Variants in DIP2A observed in about 807,000 individuals in gnomAD.
DIP2A encodes disco-interacting protein 2 homolog A.
A neutral mutation model predicts 177.4 loss-of-function variants in DIP2A; 85 were observed. That is an observed-to-expected ratio of 0.48 (90% CI 0.40 to 0.57). The LOEUF is 0.57. DIP2A is among the 20% of genes least tolerant of loss of function. The pLI is 0.00. For missense variants in DIP2A, 1,791 were observed against 2,100.2 expected (o/e 0.85, Z 2.88); for synonymous variants, 886 against 881.8 (o/e 1.00, Z -0.08).
intron 17 of DIP2A, 124 bp downstream of exon 17, chr21:46,540,115 T>C: frequency 1.3e-6 from 1 of 750,678 alleles, no homozygotes; most frequent in Non-Finnish European, 2.2e-6. Flanking sequence ...AGTACCTTGG[T>C]GCCTGGCCCC....
intron 1 of DIP2A, among the ~76,000 whole-genome samples, chr21:46,475,888 A>G (rs2055797670): frequency 6.6e-6 from 1 of 152,204 alleles, no homozygotes; most frequent in Non-Finnish European, 1.5e-5. Context: ...TATGTAAATC[A>G]TCTTTATAAA....
rs945000114 is a variant in DIP2A at position 46,546,980 on chromosome 21, T to C, written c.2460T>C (p.Asn820=). 1.9e-6 allele frequency: 3 copies of C among 1,613,934 alleles called. No homozygotes were observed. Among genetic ancestry groups the C allele is most frequent in the African/African-American group, 2.7e-5 (2 of 75,026 alleles). The part of the protein sequence containing the change: ...GLMVTGVRRH[N]ADDVVATALA... Reference sequence around the variant, plus strand: ...TGGTCACTGGAGTTCGCAGACACAATGCAGATGACGTTGTGGCCACCGCAC... The same window carrying C: ...TGGTCACTGGAGTTCGCAGACACAACGCAGATGACGTTGTGGCCACCGCAC... The change falls in exon 21 of 38, where the codon AAT becomes AAC. Residue 820 remains asparagine, a synonymous_variant. Coordinates refer to ENST00000417564, the MANE Select transcript of DIP2A (RefSeq NM_015151.4).
Position 46,554,611 on chromosome 21 carries a change from A to C in DIP2A, c.3191A>C (p.Tyr1064Ser). 6.2e-7 allele frequency: 1 copy of C among 1,610,306 alleles called. No individual in the cohort carries two copies. The highest frequency in any genetic ancestry group is 1.1e-5 in the South Asian group (1 of 90,302). Residue 1064 changes from tyrosine (Y) to serine (S), a missense_variant, in exon 27 of 38, where the codon TAC (tyrosine) becomes TCC (serine). Coordinates refer to ENST00000417564, the MANE Select transcript of DIP2A (RefSeq NM_015151.4). Reference sequence around the variant, plus strand: ...ATTGCCGCGTTCTATGGCTGCTTGTACTGTGGCTGCGTGCCTGTCACCGTG... The same window carrying C: ...ATTGCCGCGTTCTATGGCTGCTTGTCCTGTGGCTGCGTGCCTGTCACCGTG... ...DLIAAFYGCLYCGCVPVTVRP... is the reference protein window; with the variant it reads ...DLIAAFYGCLSCGCVPVTVRP...
At chr21:46,554,749 T>C in intron 27 of DIP2A, 53 bp downstream of exon 27, 4 of 1,545,814 alleles carry the variant, frequency 2.6e-6, no homozygotes, top group Non-Finnish European at 3.5e-6. Flanking sequence ...GCTGCAAGGC[T>C]GCCCTCCGCT....
chr21:46,474,350 A>G (rs947753232), intron 1 of DIP2A, among the ~76,000 whole-genome samples: 1 of 152,202 alleles, frequency 6.6e-6, no homozygotes, highest in African/African-American at 2.4e-5. Flanking sequence ...TCATCAGCAC[A>G]TAGATAGTAA....
chr21:46,534,861 G>A (rs982490174), intron 13 of DIP2A, among the ~76,000 whole-genome samples, 174 bp downstream of exon 13: 15 of 152,182 alleles, frequency 9.9e-5, no homozygotes, highest in African/African-American at 1.4e-4. Context: ...TGCTTACAGG[G>A]TCTCTGTGGT....
At position 46,538,621 on chromosome 21, in the gene DIP2A, C is replaced by T. The variant is rs914020312; in HGVS notation, c.1921+19C>T. 4 of 1,545,632 alleles carry T rather than the reference C, an allele frequency of 2.6e-6. No individual in the cohort carries two copies. Among genetic ancestry groups the T allele is most frequent in the Admixed American group, 2.0e-5 (1 of 50,994 alleles). ...AACCCGTGTGAGTGAGCCTGTGTGC[C>T]CGGCGCATACCCCACACAGTGTCCC... On this transcript the variant is annotated intron_variant, in intron 16 of 37. Coordinates refer to ENST00000417564, the MANE Select transcript of DIP2A (RefSeq NM_015151.4).
rs773209334 is a variant in DIP2A, at chr21:46,551,855, G to A, written c.2981G>A (p.Arg994His). 7.4e-6 allele frequency: 12 copies of A among 1,611,850 alleles called. No homozygotes were observed. Among genetic ancestry groups the A allele is most frequent in the East Asian group, 2.2e-5 (1 of 44,830 alleles). Residue 994 changes from arginine to histidine, a missense_variant, in exon 25 of 38, where the codon CGT (arginine) becomes CAT (histidine). Physicochemically the swap from Arg to His is conservative, Grantham distance 29. Coordinates refer to ENST00000417564, the MANE Select transcript of DIP2A (RefSeq NM_015151.4). ...FLFLADVLQW[R>H]AHTTPDHPLF... ...TTCCTGGCTGACGTGCTGCAGTGGC[G>A]TGCCCACACCACTCCTGACCACCCG...
At chr21:46,548,358 C>T (rs910243935) in intron 21 of DIP2A, among the ~76,000 whole-genome samples, 2 of 152,110 alleles carry the variant, frequency 1.3e-5, no homozygotes, top group African/African-American at 4.8e-5. Context: ...GGGAGACCAC[C>T]CCCTCGCAGG....
At chr21:46,520,134 C>T (rs1569025692) in intron 8 of DIP2A, among the ~76,000 whole-genome samples, 1 of 151,972 alleles carries the variant, frequency 6.6e-6, no homozygotes, top group African/African-American at 2.4e-5. Flanking sequence ...TCGGCCTCCT[C>T]AAGTGCTGGG....
chr21:46,533,513 G>T lies in DIP2A; in HGVS notation c.1306-11G>T, dbSNP rs780272846. 38 of 1,611,956 alleles carry T rather than the reference G, an allele frequency of 2.4e-5. No homozygotes were observed. The highest frequency in any genetic ancestry group is 3.1e-5 in the Non-Finnish European group (37 of 1,179,086). Reference sequence around the variant, plus strand: ...GCACCCCACCCCACACGGTCACTCTGCTTTCTGCAGGATGCAGGCAGCCAG... The same window carrying T: ...GCACCCCACCCCACACGGTCACTCTTCTTTCTGCAGGATGCAGGCAGCCAG... On this transcript the variant is annotated splice_polypyrimidine_tract_variant and intron_variant, in intron 10 of 37. Transcript: ENST00000417564.
chr21:46,501,032 T>C (rs2057621944), intron 5 of DIP2A, among the ~76,000 whole-genome samples: 1 of 152,234 alleles, frequency 6.6e-6, no homozygotes, highest in African/African-American at 2.4e-5. Context: ...CTACAGATTG[T>C]AGCTACCCAC....
At chr21:46,473,910 C>T (rs2148347455) in intron 1 of DIP2A, among the ~76,000 whole-genome samples, 1 of 152,276 alleles carries the variant, frequency 6.6e-6, no homozygotes, top group East Asian at 1.9e-4. Context: ...ATTAACAAAA[C>T]ATTTCTGCAT....
chr21:46,496,324 A>G (rs550726800), intron 3 of DIP2A, among the ~76,000 whole-genome samples: 2 of 152,302 alleles, frequency 1.3e-5, no homozygotes, highest in East Asian at 3.9e-4. Context: ...AAGAATCTAT[A>G]TGACAATGCC....
the DIP2A span, among the ~76,000 whole-genome samples, chr21:46,577,111 G>A: frequency 1.5e-4 from 23 of 152,124 alleles, no homozygotes; most frequent in African/African-American, 5.1e-4. Flanking sequence ...CTTTTGCTGT[G>A]CAGAGGCTCT....
intron 7 of DIP2A, 44 bp from the exon 8 acceptor site, chr21:46,511,373 G>T: frequency 6.5e-7 from 1 of 1,534,858 alleles, no homozygotes; most frequent in African/African-American, 1.4e-5. Flanking sequence ...ATGTGTTCGT[G>T]GTGCTCTGAA....
rs1397837567 is a variant in DIP2A, at chr21:46,498,242, T to G, written c.404-340T>G. On this transcript the variant is annotated intron_variant, in intron 4 of 37. Coordinates refer to ENST00000417564, the MANE Select transcript of DIP2A (RefSeq NM_015151.4). This position sits in a 1 kb window ranked among gnomAD's most constrained non-coding sequence, Gnocchi z 4.3. ...GGTGTCCGACTCTGTGGACATGCAGTGCAGCACTGAATATTCACAGAACAC... is the reference window on the plus strand; with the variant it reads ...GGTGTCCGACTCTGTGGACATGCAGGGCAGCACTGAATATTCACAGAACAC... Among the ~76,000 whole-genome samples, 1 of 152,186 alleles carries G rather than the reference T, an allele frequency of 6.6e-6. No individual in the cohort carries two copies.
intron 5 of DIP2A, among the ~76,000 whole-genome samples, chr21:46,502,178 C>T (rs59977673): frequency 0.4 from 61,235 of 151,862 alleles, 12,494 homozygotes; most frequent in Admixed American, 0.42. Context: ...CTCTGTGGCC[C>T]GGGCTAGAGT....
chr21:46,542,833 A>G (rs1037207902), intron 18 of DIP2A, among the ~76,000 whole-genome samples: 1 of 152,196 alleles, frequency 6.6e-6, no homozygotes, highest in African/African-American at 2.4e-5. Context: ...GGTTGCAGGC[A>G]CTGCGAGAGG....
Sources: allele counts gnomAD v4.1 joint callset (sites outside exome capture counted in the v4.1 genomes callset), GRCh38; gene constraint gnomAD v4.1.1; non-coding constraint Gnocchi (gnomAD v3.1); transcripts MANE v1.5; gene names NCBI Gene and HGNC (gene_info 2026-07-23, HGNC 2026-07-21).